The following LRP8 variants were observed in gnomAD, a reference collection of about 807,000 sequenced individuals.
The protein encoded by LRP8 is low-density lipoprotein receptor-related protein 8.
LRP8 carries 46 observed loss-of-function variants against 111.6 expected under a neutral mutation model. The observed-to-expected ratio is 0.41, with a 90% CI of 0.33 to 0.53. The LOEUF is 0.53. Ranked by LOEUF, LRP8 falls within the 20% of genes least tolerant of loss-of-function variation. The pLI is 0.20. For synonymous variants in LRP8, 464 were observed against 511.2 expected, an observed-to-expected ratio of 0.91 and a Z score of 1.24; for missense variants, 959 against 1,297.4, an observed-to-expected ratio of 0.74 and a Z score of 4.01.
chr1:53,290,074 C>T (rs1183834823), intron 2 of LRP8, among the ~76,000 whole-genome samples: 1 of 151,250 alleles, frequency 6.6e-6, no homozygotes. Flanking sequence ...CTTTCCCCAA[C>T]TGGACTGGAA....
At chr1:53,327,696 G>T in intron 1 of LRP8, 93 bp downstream of exon 1, 4 of 1,319,468 alleles carry the variant, frequency 3.0e-6, no homozygotes, top group Non-Finnish European at 3.9e-6. Flanking sequence ...CGATAGCCCC[G>T]GGTTCTGGAC....
At chr1:53,274,457 T>G (rs1331382910) in intron 6 of LRP8, among the ~76,000 whole-genome samples, 1 of 152,218 alleles carries the variant, frequency 6.6e-6, no homozygotes, top group Non-Finnish European at 1.5e-5. Flanking sequence ...GCCAAGTTTG[T>G]GAGAGAAAAC....
At chr1:53,308,949 A>G (rs569855819) in intron 2 of LRP8, among the ~76,000 whole-genome samples, 1 of 152,282 alleles carries the variant, frequency 6.6e-6, no homozygotes, top group South Asian at 2.1e-4. Flanking sequence ...ATCAGTAAAG[A>G]GACAGGACAG....
intron 1 of LRP8, 124 bp downstream of exon 1, chr1:53,327,665 G>A: frequency 7.8e-7 from 1 of 1,285,282 alleles, no homozygotes; most frequent in African/African-American, 1.6e-5. Context: ...TTCGCGTGGA[G>A]CCTGTCCGCC....
In LRP8 at chr1:53,279,269, A is replaced by G. The variant is rs1035306269; in HGVS notation, c.496+1318T>C. On this transcript the variant is annotated intron_variant, in intron 4 of 18. Coordinates refer to ENST00000306052, the MANE Select transcript of LRP8 (RefSeq NM_004631.5). The surrounding 1 kb of genome is among the most constrained non-coding windows in gnomAD (Gnocchi z 4.4). The stretch of plus-strand genomic sequence containing the variant: ...TCTTTCCTCTGCCTAGGAGGGTGGA[A>G]GCTATAGCATAGAAGCCCAGTAAGA... Among the ~76,000 whole-genome samples the G allele has an allele frequency of 2.0e-5, 3 of 152,134 alleles. No individual in the cohort carries two copies. The highest frequency in any genetic ancestry group is 7.2e-5 in the African/African-American group (3 of 41,424).
At chr1:53,323,093 G>C (rs1654723822) in intron 2 of LRP8, among the ~76,000 whole-genome samples, 1 of 152,176 alleles carries the variant, frequency 6.6e-6, no homozygotes, top group Admixed American at 6.5e-5. Context: ...AAGCGAGGTG[G>C]AGTAGCCTTA....
At chr1:53,247,150 G>GTAT in intron 18 of LRP8, 94 bp from the exon 19 acceptor site, 1 of 897,470 alleles carries the variant, frequency 1.1e-6, no homozygotes, top group South Asian at 1.7e-5. Flanking sequence ...ACTTTAACAG[G>GTAT]TATTAGCTCA....
chr1:53,324,737 A>G (rs531928557), intron 2 of LRP8, among the ~76,000 whole-genome samples: 1 of 152,200 alleles, frequency 6.6e-6, no homozygotes, highest in Admixed American at 6.5e-5. Flanking sequence ...TTACTCCTCC[A>G]TCTCGTCCAA....
In LRP8 at chr1:53,245,768, A is replaced by G. The variant is rs895176430; in HGVS notation, c.*1250T>C. On this transcript the variant is annotated 3_prime_UTR_variant, in exon 19 of 19. Coordinates refer to ENST00000306052, the MANE Select transcript of LRP8 (RefSeq NM_004631.5). ...TAAAATGTTTCCCCACATAAAGGAAATGGTAGAGAGTAAGGGGAAAAGAGA... is the reference window on the plus strand; with the variant it reads ...TAAAATGTTTCCCCACATAAAGGAAGTGGTAGAGAGTAAGGGGAAAAGAGA... 6.6e-6 allele frequency: 1 copy of G among 152,642 alleles called. No homozygotes were observed. The highest frequency in any genetic ancestry group is 2.4e-5 in the African/African-American group (1 of 41,450). The allele number at this position is 152,642 out of a possible 1,614,324, so 9.5% of individuals were successfully genotyped here.
chr1:53,299,496 C>T (rs1650397706), intron 2 of LRP8, among the ~76,000 whole-genome samples: 1 of 152,202 alleles, frequency 6.6e-6, no homozygotes, highest in African/African-American at 2.4e-5. Flanking sequence ...CTCTGGAGTG[C>T]TCCTCTGTGC....
At chr1:53,322,823 C>T (rs987340842) in intron 2 of LRP8, among the ~76,000 whole-genome samples, 1 of 152,128 alleles carries the variant, frequency 6.6e-6, no homozygotes, top group African/African-American at 2.4e-5. Flanking sequence ...GAGCTGTGGC[C>T]GAGCTTTAAT....
At position 53,262,707 on chromosome 1, in the gene LRP8, A is replaced by G; in HGVS notation, c.1656-143T>C. On this transcript the variant is annotated intron_variant, in intron 10 of 18. Coordinates refer to ENST00000306052, the MANE Select transcript of LRP8 (RefSeq NM_004631.5). This position sits in a 1 kb window ranked among gnomAD's most constrained non-coding sequence, Gnocchi z 4.8. ...AAGACCTCTAAAGTTCTTTTGAACC[A>G]TCAAATCTTAGATTTAGCAGGCACT... 1.4e-6 allele frequency: 1 copy of G among 695,592 alleles called. No individual in the cohort carries two copies. The highest frequency in any genetic ancestry group is 2.6e-6 in the Non-Finnish European group (1 of 391,616). 43.1% of individuals were successfully genotyped at this position (695,592 alleles called of 1,614,324 possible).
chr1:53,307,898 C>T (rs1248836021), intron 2 of LRP8, among the ~76,000 whole-genome samples: 1 of 152,232 alleles, frequency 6.6e-6, no homozygotes, highest in African/African-American at 2.4e-5. Context: ...CCAGGAGAGG[C>T]TTCCCCCTCA....
At chr1:53,309,283 A>G (rs1187382320) in intron 2 of LRP8, among the ~76,000 whole-genome samples, 1 of 152,064 alleles carries the variant, frequency 6.6e-6, no homozygotes, top group Non-Finnish European at 1.5e-5. Flanking sequence ...TTTAAAAAAA[A>G]AGAATTCATG....
At chr1:53,312,544 GACGGAGTCTC>G (rs1653194161) in intron 2 of LRP8, among the ~76,000 whole-genome samples, 1 of 150,478 alleles carries the variant, frequency 6.6e-6, no homozygotes, top group East Asian at 1.9e-4. Context: ...TTTTTTGAGA[GACGGAGTCTC>G]ACTATGTTGC....
At chr1:53,300,988 G>C (rs115753007) in intron 2 of LRP8, among the ~76,000 whole-genome samples, 1 of 152,220 alleles carries the variant, frequency 6.6e-6, no homozygotes, top group South Asian at 2.1e-4. Context: ...CTCACAAGGT[G>C]AGAGTGAAAG....
chr1:53,319,793 G>C (rs1176282651), intron 2 of LRP8, among the ~76,000 whole-genome samples: 1 of 152,240 alleles, frequency 6.6e-6, no homozygotes, highest in Non-Finnish European at 1.5e-5. Context: ...CATGCTGGAG[G>C]GCGCCCAAGG....
intron 6 of LRP8, chr1:53,272,676 G>C (rs565610975): frequency 1.6e-6 from 2 of 1,289,402 alleles, no homozygotes; most frequent in South Asian, 1.2e-5. Context: ...CTCCATGACT[G>C]GGGGACCCAG....
intron 2 of LRP8, among the ~76,000 whole-genome samples, chr1:53,326,166 G>A (rs1655093861): frequency 1.3e-5 from 2 of 152,234 alleles, no homozygotes; most frequent in Non-Finnish European, 2.9e-5. Context: ...AGGAAAGCGC[G>A]GTCTGCTAAC....
Sources: allele counts gnomAD v4.1 joint callset (sites outside exome capture counted in the v4.1 genomes callset), GRCh38; gene constraint gnomAD v4.1.1; non-coding constraint Gnocchi (gnomAD v3.1); transcripts MANE v1.5; gene names NCBI Gene and HGNC (gene_info 2026-07-23, HGNC 2026-07-21).